The following ALDH1L2 variants were observed in gnomAD, a reference collection of about 807,000 sequenced individuals.
The protein encoded by ALDH1L2 is aldehyde dehydrogenase 1 family member L2.
In ALDH1L2, 91 loss-of-function variants were observed where a neutral mutation model predicts 111.0. The observed-to-expected ratio is 0.82, with a 90% CI of 0.69 to 0.98. The LOEUF is 0.98. ALDH1L2 is among the 50% of genes least tolerant of loss of function. ALDH1L2 has a pLI of 0.00. For synonymous variants in ALDH1L2, 374 were observed against 392.6 expected (o/e 0.95, Z 0.56); for missense variants, 995 against 1,126.8 (o/e 0.88, Z 1.67).
chr12:105,056,062 C>A (rs1218914380), intron 10 of ALDH1L2, among the ~76,000 whole-genome samples: 1 of 151,938 alleles, frequency 6.6e-6, no homozygotes, highest in Non-Finnish European at 1.5e-5. Context: ...AATGCACAAT[C>A]CAAGAAGCTC....
chr12:105,067,236 G>GA (rs1555227252), intron 4 of ALDH1L2, among the ~76,000 whole-genome samples: 1 of 129,694 alleles, frequency 7.7e-6, no homozygotes, highest in South Asian at 2.5e-4. Context: ...AAAAAAAAAA[G>GA]AAAAGAAAAA....
In ALDH1L2 at chr12:105,030,423, A is replaced by G. The variant is rs748274832; in HGVS notation, c.2417T>C (p.Phe806Ser). ...ATCTGTGAACACGGTCGGCTCCATGAAAAAGCCTTTTTGGAAAAAACAAAG... is the reference window on the plus strand; with the variant it reads ...ATCTGTGAACACGGTCGGCTCCATGGAAAAGCCTTTTTGGAAAAAACAAAG... ...GGRQVQRPGF[F>S]MEPTVFTDVE... The change falls in exon 21 of 23, where the codon TTC becomes TCC. Residue 806 changes from phenylalanine to serine, a missense_variant. Phe to Ser is a radical substitution (Grantham distance 155). Transcript: ENST00000258494. 1 of 1,603,334 alleles carries G rather than the reference A, an allele frequency of 6.2e-7. No individual in the cohort carries two copies. Among genetic ancestry groups the G allele is most frequent in the East Asian group, 2.2e-5 (1 of 44,676 alleles).
At chr12:105,080,390 T>C (rs1878282469) in intron 1 of ALDH1L2, among the ~76,000 whole-genome samples, 1 of 152,216 alleles carries the variant, frequency 6.6e-6, no homozygotes, top group African/African-American at 2.4e-5. Flanking sequence ...TTATATTTCA[T>C]TTTTGGTATA....
intron 15 of ALDH1L2, among the ~76,000 whole-genome samples, chr12:105,042,407 T>G (rs1343675495): frequency 3.3e-5 from 5 of 151,804 alleles, no homozygotes; most frequent in African/African-American, 9.7e-5. Context: ...TTTGGGTTTT[T>G]TTGTTGTTGT....
chr12:105,028,717 T>C (rs1874543057), intron 21 of ALDH1L2, among the ~76,000 whole-genome samples: 1 of 152,212 alleles, frequency 6.6e-6, no homozygotes, highest in Non-Finnish European at 1.5e-5. Flanking sequence ...CATTTCTCGT[T>C]GAGGACTATC....
rs752855370 is a variant in ALDH1L2, at chr12:105,068,859, C to T, written c.454G>A (p.Ala152Thr). The change falls in exon 4 of 23, where the codon GCT becomes ACT. Residue 152 changes from alanine (A) to threonine (T), a missense_variant. Physicochemically the swap from Ala to Thr is moderately conservative, Grantham distance 58 (BLOSUM62 0). Transcript: ENST00000258494. ...TCAGCCCAGAAAACAGAAAACCCAGCTTTCTTATCTCCCATAATTAGAGTC... is the reference window on the plus strand; with the variant it reads ...TCAGCCCAGAAAACAGAAAACCCAGTTTTCTTATCTCCCATAATTAGAGTC... The part of the protein sequence containing the change: ...NWTLIMGDKK[A>T]GFSVFWADDG... 17 of 1,579,866 alleles carry T rather than the reference C, an allele frequency of 1.1e-5. No individual in the cohort carries two copies. The highest frequency in any genetic ancestry group is 1.3e-5 in the Non-Finnish European group (15 of 1,168,032).
At chr12:105,024,627 A>G (rs1874325999) in intron 22 of ALDH1L2, 148 bp from the exon 23 acceptor site, 1 of 748,346 alleles carries the variant, frequency 1.3e-6, no homozygotes, top group African/African-American at 1.7e-5. Context: ...TTTGAAGTTC[A>G]TACTAACCAT....
chr12:105,056,270 A>G (rs1209981540), intron 10 of ALDH1L2, among the ~76,000 whole-genome samples: 1 of 152,164 alleles, frequency 6.6e-6, no homozygotes, highest in African/African-American at 2.4e-5. Flanking sequence ...TTAAAATGAT[A>G]AAAGAAAAAT....
chr12:105,036,159 TA>T (rs2136054163), intron 18 of ALDH1L2, among the ~76,000 whole-genome samples: 2 of 57,898 alleles, frequency 3.5e-5, no homozygotes, highest in African/African-American at 1.1e-4. Flanking sequence ...TATGTGTATA[TA>T]ATATATACAC....
chr12:105,041,093 A>T (rs924730062), intron 15 of ALDH1L2, among the ~76,000 whole-genome samples: 1 of 152,248 alleles, frequency 6.6e-6, no homozygotes, highest in African/African-American at 2.4e-5. Context: ...TAGTACAATC[A>T]TCAAAATCAG....
chr12:105,045,019 A>G (rs1284488968), intron 15 of ALDH1L2, among the ~76,000 whole-genome samples: 1 of 152,206 alleles, frequency 6.6e-6, no homozygotes, highest in Non-Finnish European at 1.5e-5. Flanking sequence ...GTATTAATTA[A>G]CTATAGGTAC....
At chr12:105,070,168 A>G (rs1435811603) in intron 3 of ALDH1L2, among the ~76,000 whole-genome samples, 1 of 152,188 alleles carries the variant, frequency 6.6e-6, no homozygotes, top group Non-Finnish European at 1.5e-5. Flanking sequence ...AAACTTACTG[A>G]CCATAAAACC....
chr12:105,047,306 A>G, intron 13 of ALDH1L2: 1 of 297,136 alleles, frequency 3.4e-6, no homozygotes, highest in South Asian at 3.6e-5. Flanking sequence ...TGCCCAGATC[A>G]AATACTATGG....
At chr12:105,078,697 A>G (rs1464173530) in intron 1 of ALDH1L2, among the ~76,000 whole-genome samples, 4 of 152,202 alleles carry the variant, frequency 2.6e-5, no homozygotes, top group African/African-American at 4.8e-5. Flanking sequence ...TCCACCAACT[A>G]GTAGGGAGGG....
chr12:105,046,149 TTCTCTCTCTCTCTCTCTCTCTCTC>T (rs541003101), intron 15 of ALDH1L2, among the ~76,000 whole-genome samples: 36 of 35,958 alleles, frequency 1.0e-3, no homozygotes, highest in African/African-American at 2.4e-3. Flanking sequence ...CTTCTACATC[TTCTCTCTCTCTCTCTCTCTCTCTC>T]TCTCTCTCTC....
At chr12:105,081,911 A>T (rs1878352434) in intron 1 of ALDH1L2, among the ~76,000 whole-genome samples, 1 of 152,246 alleles carries the variant, frequency 6.6e-6, no homozygotes, top group African/African-American at 2.4e-5. Flanking sequence ...AGGGATAATT[A>T]GGCCGGGCAC....
chr12:105,036,383 TTA>T lies in ALDH1L2; in HGVS notation c.2145+1718_2145+1719del, dbSNP rs368225544. Among the ~76,000 whole-genome samples, 10 of 83,440 alleles carry T rather than the reference TTA, an allele frequency of 1.2e-4. 2 individuals carry two copies. The highest frequency in any genetic ancestry group is 1.9e-4 in the Non-Finnish European group (9 of 48,338). The allele number at this position is 83,440 out of a possible 152,430, so 54.7% of individuals were successfully genotyped here. ...ATATATATTATATATATACGTATAT[TTA>T]TATATGTGTATATATATTATATATA... On this transcript the variant is annotated intron_variant, in intron 18 of 22. Coordinates refer to ENST00000258494, the MANE Select transcript of ALDH1L2 (RefSeq NM_001034173.4).
At chr12:105,078,641 G>A (rs561112270) in intron 1 of ALDH1L2, among the ~76,000 whole-genome samples, 5 of 152,050 alleles carry the variant, frequency 3.3e-5, no homozygotes, top group African/African-American at 7.2e-5. Flanking sequence ...TTCTCTTTGC[G>A]ACCCTTACAC....
In ALDH1L2 at chr12:105,046,947, T is replaced by C. The variant is rs144616649; in HGVS notation, c.1709A>G (p.Gln570Arg). The part of the protein sequence containing the change: ...KIQGSTIPIN[Q>R]ARPNRNLTFT... ...GGTCAGATTGCGATTTGGACGGGCC[T>C]GGTTGATTGGAATAGTAGAACCCTA... is the stretch of plus-strand genomic sequence containing the variant. The change falls in exon 14 of 23, where the codon CAG (glutamine) becomes CGG (arginine). Residue 570 changes from glutamine (Q) to arginine (R), a missense_variant. Gln to Arg is a conservative substitution (Grantham distance 43, BLOSUM62 1). Coordinates refer to ENST00000258494, the MANE Select transcript of ALDH1L2 (RefSeq NM_001034173.4). 2 of 1,614,038 alleles carry C rather than the reference T, an allele frequency of 1.2e-6. No individual in the cohort carries two copies. The highest frequency in any genetic ancestry group is 2.7e-5 in the African/African-American group (2 of 74,926).
Sources: gnomAD v4.1 joint callset for allele counts (sites outside exome capture counted in the v4.1 genomes callset) on GRCh38, gnomAD v4.1.1 for gene constraint, MANE v1.5 for transcripts, NCBI Gene and HGNC (gene_info 2026-07-23, HGNC 2026-07-21) for gene names.